ZNF888: variants seen among roughly 807,000 people sequenced by gnomAD.
The protein encoded by ZNF888 is zinc finger protein 888.
A neutral mutation model predicts 7.2 loss-of-function variants in ZNF888; 5 were observed. The ratio of observed to expected loss-of-function variants is 0.70; its 90% CI spans 0.36 to 1.46. The LOEUF is 1.46. Among genes scored for constraint, ZNF888 ranks in the 40% most tolerant of loss-of-function variants. ZNF888 has a pLI of 0.03. For missense variants in ZNF888, 716 were observed against 858.0 expected (o/e 0.83, Z 2.07); for synonymous variants, 240 against 284.3 (o/e 0.84, Z 1.57).
At position 52,917,893 on chromosome 19, in the gene ZNF888, C is replaced by T; in HGVS notation, c.-20G>A. 19 of 1,611,936 alleles carry T rather than the reference C, an allele frequency of 1.2e-5. No individual in the cohort carries two copies. Among genetic ancestry groups the T allele is most frequent in the Non-Finnish European group, 1.6e-5 (19 of 1,180,014 alleles). ...AGCCATCCCTGACTCCTTTGCTTTC[C>T]TCTTCCTCTTCTGAGTTTCTTCTTC... On this transcript the variant is annotated 5_prime_UTR_variant, in exon 3 of 5. Transcript: ENST00000638862.
intron 4 of ZNF888, among the ~76,000 whole-genome samples, chr19:52,909,231 CTTT>C (rs2064648025): frequency 6.6e-6 from 1 of 150,688 alleles, no homozygotes; most frequent in South Asian, 2.1e-4. Context: ...CGCTTTGTAA[CTTT>C]TTAAAAAAAA....
chr19:52,918,415 C>A (rs1346138848), intron 2 of ZNF888, among the ~76,000 whole-genome samples: 3 of 152,190 alleles, frequency 2.0e-5, no homozygotes, highest in Non-Finnish European at 2.9e-5. Flanking sequence ...GGAAGGATCA[C>A]TTGAGGTCAG....
chr19:52,906,803 A>T lies in ZNF888; in HGVS notation c.1519T>A (p.Ser507Thr). Residue 507 changes from serine (S) to threonine (T), a missense_variant, in exon 5 of 5, where the codon TCA becomes ACA. By Grantham distance (58) the Ser-to-Thr change is moderately conservative. Around this residue, in one of 2 missense-constraint regions of ZNF888, gnomAD observed 697 missense variants for 803.4 expected, o/e 0.87. Transcript: ENST00000638862. ...KVCDKAFRRD[S>T]HLAQHTVIHT... ...ATTACAGTATGTTGTGCCAGGTGTGAATCACGTCTGAAAGCCTTGTCACAA... is the reference window on the plus strand; with the variant it reads ...ATTACAGTATGTTGTGCCAGGTGTGTATCACGTCTGAAAGCCTTGTCACAA... The T allele has an allele frequency of 3.1e-6, 5 of 1,613,734 alleles. No homozygotes were observed. Among genetic ancestry groups the T allele is most frequent in the Non-Finnish European group, 4.2e-6 (5 of 1,179,804 alleles).
chr19:52,922,933 T>G (rs936714821), intron 1 of ZNF888, among the ~76,000 whole-genome samples: 7 of 151,902 alleles, frequency 4.6e-5, no homozygotes, highest in Non-Finnish European at 8.8e-5. Flanking sequence ...GATGACGCCT[T>G]CGGACAAGGG....
chr19:52,906,012 T>G lies in ZNF888; in HGVS notation c.*153A>C. ...AATCATGACATTTGTAAGGTTTCTC[T>G]CCAGTATGAGTTCACCCATGAACTA... On this transcript the variant is annotated 3_prime_UTR_variant, in exon 5 of 5. Transcript: ENST00000638862. 8.5e-7 allele frequency: 1 copy of G among 1,183,396 alleles called. No homozygotes were observed. Among genetic ancestry groups the G allele is most frequent in the South Asian group, 1.2e-5 (1 of 80,668 alleles). 73.3% of individuals were successfully genotyped at this position (1,183,396 alleles called of 1,614,324 possible). A position where few individuals can be genotyped will look rare whatever the true frequency, so the allele number is the denominator to read the frequency against.
intron 1 of ZNF888, among the ~76,000 whole-genome samples, chr19:52,922,925 T>C (rs1045298813): frequency 4.6e-5 from 7 of 151,454 alleles, no homozygotes; most frequent in Non-Finnish European, 8.8e-5. Context: ...GGGGGGGAGA[T>C]GACGCCTTCG....
chr19:52,912,322 C>A (rs1270462166), intron 4 of ZNF888, among the ~76,000 whole-genome samples: 1 of 142,468 alleles, frequency 7.0e-6, no homozygotes, highest in Non-Finnish European at 1.5e-5. Context: ...ACCATGTTAG[C>A]CAGGATGGCC....
chr19:52,921,746 G>A, intron 1 of ZNF888: 1 of 580,642 alleles, frequency 1.7e-6, no homozygotes, highest in Non-Finnish European at 2.2e-6. Context: ...TGACCTACAT[G>A]GAGGAACCCC....
chr19:52,906,083 T>C lies in ZNF888; in HGVS notation c.*82A>G. ...AAAAATTTGCCACATTTACTACACT[T>C]GTAAGATCTCTATTCATTATGGATT... On this transcript the variant is annotated 3_prime_UTR_variant, in exon 5 of 5. Transcript: ENST00000638862. The C allele has an allele frequency of 6.2e-7, 1 of 1,603,866 alleles. No individual in the cohort carries two copies. The highest frequency in any genetic ancestry group is 1.7e-4 in the Middle Eastern group (1 of 6,022).
At chr19:52,913,017 G>C (rs927006917) in intron 4 of ZNF888, among the ~76,000 whole-genome samples, 8 of 152,162 alleles carry the variant, frequency 5.3e-5, no homozygotes, top group African/African-American at 1.9e-4. Flanking sequence ...TGAGGCAGGA[G>C]AATTGCTTGA....
Position 52,906,575 on chromosome 19 carries a change from A to G in ZNF888, c.1747T>C (p.Cys583Arg). Reference sequence around the variant, plus strand: ...GACTGTGTCCTAAAAACCTTGCCACATTCATTACACTTGTAAGGTTTCTCT... The same window carrying G: ...GACTGTGTCCTAAAAACCTTGCCACGTTCATTACACTTGTAAGGTTTCTCT... ...TGEKPYKCNECGKVFRTQSQL... is the reference protein window; with the variant it reads ...TGEKPYKCNERGKVFRTQSQL... Residue 583 changes from cysteine to arginine, a missense_variant, in exon 5 of 5, where the codon TGT becomes CGT. By Grantham distance (180) the Cys-to-Arg change is radical (BLOSUM62 -3). This residue lies in a region of ZNF888 where 697 missense variants were observed against 803.4 expected (regional missense o/e 0.87). Coordinates refer to ENST00000638862, the MANE Select transcript of ZNF888 (RefSeq NM_001393938.1). 1.9e-6 allele frequency: 3 copies of G among 1,613,964 alleles called. No individual in the cohort carries two copies. The highest frequency in any genetic ancestry group is 1.7e-5 in the Admixed American group (1 of 60,012).
At position 52,906,672 on chromosome 19, in the gene ZNF888, G is replaced by T. The variant is rs1325875837; in HGVS notation, c.1650C>A (p.Tyr550Ter). ...AACTTTTGCCACATTCATTACACTT[G>T]TAACGTTTCTCTCCAGTATGAATGA... ...HKVIHTGEKRYKCNECGKSFN... is the reference protein window; with the variant it reads ...HKVIHTGEKR Residue 550 changes from tyrosine to a stop codon, truncating the protein, a stop_gained, in exon 5 of 5, where the codon TAC becomes TAA. Coordinates refer to ENST00000638862, the MANE Select transcript of ZNF888 (RefSeq NM_001393938.1). LOFTEE classifies it low-confidence loss of function (END_TRUNC). 7 of 1,613,892 alleles carry T rather than the reference G, an allele frequency of 4.3e-6. No homozygotes were observed. The highest frequency in any genetic ancestry group is 3.3e-4 in the Middle Eastern group (2 of 6,058).
At chr19:52,909,293 G>T (rs796343827) in intron 4 of ZNF888, among the ~76,000 whole-genome samples, 17 of 151,538 alleles carry the variant, frequency 1.1e-4, no homozygotes, top group African/African-American at 4.1e-4. Flanking sequence ...TGTCACCCAG[G>T]CTGGAGTGCA....
At chr19:52,910,708 C>A (rs2064667873) in intron 4 of ZNF888, among the ~76,000 whole-genome samples, 1 of 152,030 alleles carries the variant, frequency 6.6e-6, no homozygotes. Flanking sequence ...AGCCTCTCAC[C>A]AGGAACTTAT....
At position 52,906,121 on chromosome 19, in the gene ZNF888, G is replaced by A. The variant is rs1044208315; in HGVS notation, c.*44C>T. ...TTCATTATGGATTCTTCAATGATTT[G>A]CAATGGTTGTAGCGTTACTGAAGAC... On this transcript the variant is annotated 3_prime_UTR_variant, in exon 5 of 5. Coordinates refer to ENST00000638862, the MANE Select transcript of ZNF888 (RefSeq NM_001393938.1). 6.2e-6 allele frequency: 10 copies of A among 1,611,594 alleles called. No individual in the cohort carries two copies. Among genetic ancestry groups the A allele is most frequent in the Middle Eastern group, 1.6e-4 (1 of 6,072 alleles).
chr19:52,907,517 G>T lies in ZNF888; in HGVS notation c.805C>A (p.Pro269Thr), dbSNP rs1033391582. 16 of 1,608,800 alleles carry T rather than the reference G, an allele frequency of 9.9e-6. No homozygotes were observed. In the Admixed American group the frequency reaches 1.2e-4, roughly 12 times the overall value. Reference protein sequence around the residue: ...HHRRCHTGEKPYMCNKCGKVF... With the variant: ...HHRRCHTGEKTYMCNKCGKVF... ...TTGCCACATTTATTACACATGTAAG[G>T]TTTCTCACCAGTGTGACATCTACGA... The change falls in exon 5 of 5, where the codon CCT (proline) becomes ACT (threonine). Residue 269 changes from proline to threonine, a missense_variant. Physicochemically the swap from Pro to Thr is conservative, Grantham distance 38. Coordinates refer to ENST00000638862, the MANE Select transcript of ZNF888 (RefSeq NM_001393938.1).
Position 52,923,358 on chromosome 19 carries a change from G to A in ZNF888, c.-178+11C>T, listed in dbSNP as rs550681066. ...AGGCACAGCCTCAATACAACACAGA[G>A]CAAAACTCACCGCCGCAGTGTGACT... is the stretch of plus-strand genomic sequence containing the variant. On this transcript the variant is annotated intron_variant, in intron 1 of 4. Transcript: ENST00000638862. The A allele has an allele frequency of 1.0e-6, 1 of 985,990 alleles. No individual in the cohort carries two copies. The highest frequency in any genetic ancestry group is 4.6e-5 in the South Asian group (1 of 21,710). 61.1% of individuals were successfully genotyped at this position (985,990 alleles called of 1,614,324 possible). A position where few individuals can be genotyped will look rare whatever the true frequency, so the allele number is the denominator to read the frequency against.
In ZNF888 at chr19:52,906,783, A is replaced by T; in HGVS notation, c.1539T>A (p.Thr513=). 1 of 1,611,598 alleles carries T rather than the reference A, an allele frequency of 6.2e-7. No individual in the cohort carries two copies. Among genetic ancestry groups the T allele is most frequent in the Non-Finnish European group, 8.5e-7 (1 of 1,178,096 alleles). ...AAGGTTTCTCTCCAGTGTGAATTAC[A>T]GTATGTTGTGCCAGGTGTGAATCAC... ...FRRDSHLAQH[T]VIHTGEKPYK... is the part of the protein sequence containing the mutation. The change falls in exon 5 of 5, where the codon ACT becomes ACA. Residue 513 remains threonine, a synonymous_variant. Coordinates refer to ENST00000638862, the MANE Select transcript of ZNF888 (RefSeq NM_001393938.1).
chr19:52,912,991 C>T (rs986603241), intron 4 of ZNF888, among the ~76,000 whole-genome samples: 1 of 152,064 alleles, frequency 6.6e-6, no homozygotes, highest in African/African-American at 2.4e-5. Context: ...CCTGTAATCC[C>T]AGCTACTCCG....
Sources: gnomAD v4.1 joint callset for allele counts (sites outside exome capture counted in the v4.1 genomes callset) on GRCh38, gnomAD v4.1.1 for gene constraint, gnomAD v4.1.1 regional missense constraint, MANE v1.5 for transcripts, NCBI Gene and HGNC (gene_info 2026-07-23, HGNC 2026-07-21) for gene names.